Variants in PKIB observed in about 807,000 individuals in gnomAD.
PKIB encodes the protein PKI-beta.
A neutral mutation model predicts 4.5 loss-of-function variants in PKIB; 2 were observed. The ratio of observed to expected loss-of-function variants is 0.44; its 90% CI spans 0.18 to 1.39. PKIB has a LOEUF of 1.39. PKIB is among the 40% of genes most tolerant of loss of function. PKIB has a pLI of 0.27. For missense variants in PKIB, 94 were observed against 92.6 expected (o/e 1.02, Z -0.06); for synonymous variants, 38 against 36.0 (o/e 1.06, Z -0.20).
At chr6:122,549,058 A>G (rs1403249085) in intron 2 of PKIB, among the ~76,000 whole-genome samples, 6 of 152,182 alleles carry the variant, frequency 3.9e-5, no homozygotes, top group Admixed American at 3.9e-4. Context: ...ATCATAGCCA[A>G]AAAGATAATC....
intron 2 of PKIB, among the ~76,000 whole-genome samples, chr6:122,537,560 T>C (rs1291227490): frequency 1.3e-5 from 2 of 152,242 alleles, no homozygotes; most frequent in East Asian, 3.8e-4. Context: ...TGCCACATTT[T>C]CTTCATCCAG....
chr6:122,679,220 GT>G, intron 3 of PKIB, among the ~76,000 whole-genome samples: 1 of 152,240 alleles, frequency 6.6e-6, no homozygotes, highest in East Asian at 1.9e-4. Context: ...AGTGACCTGT[GT>G]TTGGAGGTGA....
intron 2 of PKIB, among the ~76,000 whole-genome samples, chr6:122,501,286 T>C (rs1387444713): frequency 2.0e-5 from 3 of 152,186 alleles, no homozygotes; most frequent in Admixed American, 6.5e-5. Context: ...CAATATACAG[T>C]GGGGCTACAG....
chr6:122,653,026 A>G (rs1280514536), intron 2 of PKIB, among the ~76,000 whole-genome samples: 2 of 152,062 alleles, frequency 1.3e-5, no homozygotes, highest in East Asian at 3.9e-4. Context: ...ACCCTTTTCA[A>G]TTGTACTCAT....
chr6:122,522,814 A>G (rs9372701), intron 2 of PKIB, among the ~76,000 whole-genome samples: 23,691 of 152,150 alleles, frequency 0.16, 1,929 homozygotes, highest in East Asian at 0.26. Context: ...TGCCTTCTGC[A>G]TTGATCTCGC....
At chr6:122,549,143 A>AACT (rs1772591156) in intron 2 of PKIB, among the ~76,000 whole-genome samples, 1 of 152,174 alleles carries the variant, frequency 6.6e-6, no homozygotes, top group Non-Finnish European at 1.5e-5. Flanking sequence ...CTGTTCTTAA[A>AACT]ACTACTATTA....
In PKIB at chr6:122,538,938, A is replaced by T. The variant is rs572227684; in HGVS notation, c.-247-46983A>T. 7.9e-5 allele frequency among the ~76,000 whole-genome samples: 12 copies of T among 152,010 alleles called. No homozygotes were observed. In the East Asian group the frequency reaches 2.3e-3, roughly 29 times the overall value. On this transcript the variant is annotated intron_variant, in intron 2 of 6. Transcript: ENST00000392491. ...ATTCCTAGGTATTTTATTCTCTTTG[A>T]AGCAATTGTGAATGGGAGTTCACTC...
upstream of PKIB, among the ~76,000 whole-genome samples, chr6:122,608,303 C>T (rs920829395): frequency 3.3e-5 from 5 of 152,206 alleles, no homozygotes; most frequent in African/African-American, 1.2e-4. Flanking sequence ...CTTTTCATCA[C>T]ATCACTTGGC....
chr6:122,708,791 G>A (rs1274298276), intron 3 of PKIB, among the ~76,000 whole-genome samples: 1 of 152,014 alleles, frequency 6.6e-6, no homozygotes, highest in African/African-American at 2.4e-5. Flanking sequence ...GCGTCACCAC[G>A]CCTGGCTAAT....
intron 2 of PKIB, among the ~76,000 whole-genome samples, chr6:122,557,812 A>C (rs1037500855): frequency 6.6e-6 from 1 of 152,014 alleles, no homozygotes; most frequent in Non-Finnish European, 1.5e-5. Context: ...CTTAGGGAGG[A>C]TCCTACTCCT....
intron 2 of PKIB, among the ~76,000 whole-genome samples, chr6:122,529,504 CT>C (rs1777190186): frequency 6.6e-6 from 1 of 152,020 alleles, no homozygotes; most frequent in Non-Finnish European, 1.5e-5. Context: ...ATAAATTTAC[CT>C]TTACGAGAGT....
At chr6:122,539,386 C>G (rs1411422452) in intron 2 of PKIB, among the ~76,000 whole-genome samples, 1 of 152,026 alleles carries the variant, frequency 6.6e-6, no homozygotes, top group Non-Finnish European at 1.5e-5. Context: ...TAGTTTTTAG[C>G]ATGAAGCATT....
chr6:122,584,932 C>T (rs1773807646), intron 2 of PKIB, among the ~76,000 whole-genome samples: 1 of 151,398 alleles, frequency 6.6e-6, no homozygotes, highest in Non-Finnish European at 1.5e-5. Flanking sequence ...GTCAGTTTAC[C>T]ATTGCCATGG....
At chr6:122,486,863 A>G (rs905485711) in intron 2 of PKIB, among the ~76,000 whole-genome samples, 19 of 152,166 alleles carry the variant, frequency 1.2e-4, no homozygotes, top group African/African-American at 4.6e-4. Flanking sequence ...AAAAGTTATA[A>G]TACTATGAAG....
intron 2 of PKIB, among the ~76,000 whole-genome samples, chr6:122,484,342 ATG>A (rs1296196831): frequency 6.6e-6 from 1 of 152,192 alleles, no homozygotes; most frequent in African/African-American, 2.4e-5. Flanking sequence ...TGCTTGGTTT[ATG>A]TACTTGTTTT....
chr6:122,510,143 G>A (rs368938715), intron 2 of PKIB, among the ~76,000 whole-genome samples: 20 of 151,790 alleles, frequency 1.3e-4, no homozygotes, highest in Non-Finnish European at 2.1e-4. Flanking sequence ...GCTCTATTCC[G>A]CACTTGTATT....
intron 3 of PKIB, among the ~76,000 whole-genome samples, chr6:122,603,979 T>C (rs564556435): frequency 2.0e-5 from 3 of 152,322 alleles, no homozygotes; most frequent in South Asian, 2.1e-4. Context: ...TGTGTACTTA[T>C]GGTCAAATAA....
At chr6:122,521,612 G>A (rs756274850) in intron 2 of PKIB, among the ~76,000 whole-genome samples, 12 of 151,944 alleles carry the variant, frequency 7.9e-5, no homozygotes, top group Non-Finnish European at 1.6e-4. Context: ...CACAGGAGGC[G>A]GAGCTTGCAG....
At chr6:122,481,510 A>G (rs1420845616) in intron 2 of PKIB, 1 of 152,248 alleles carries the variant, frequency 6.6e-6, no homozygotes, top group Non-Finnish European at 1.5e-5. Context: ...GTGAATTACA[A>G]AGCAGTATCA....
Sources: gnomAD v4.1 joint callset for allele counts (sites outside exome capture counted in the v4.1 genomes callset) on GRCh38, gnomAD v4.1.1 for gene constraint, MANE v1.5 for transcripts, NCBI Gene and HGNC (gene_info 2026-07-23, HGNC 2026-07-21) for gene names.